BACH2: variants seen among roughly 807,000 people sequenced by gnomAD.
The protein encoded by BACH2 is BACH transcriptional regulator 2, also known as transcription regulator protein BACH2.
In BACH2, 5 loss-of-function variants were observed where a neutral mutation model predicts 61.8. That is an observed-to-expected ratio of 0.08 (90% confidence interval 0.04 to 0.17). BACH2 has a LOEUF of 0.17. Ranked by LOEUF, BACH2 falls within the 10% of genes least tolerant of loss-of-function variation. The pLI, the probability that BACH2 is intolerant of heterozygous loss-of-function variation, is 1.00. For missense variants in BACH2, 824 were observed against 1,091.1 expected (o/e 0.76, Z 3.45); for synonymous variants, 446 against 440.1 (o/e 1.01, Z -0.17).
intron 4 of BACH2, among the ~76,000 whole-genome samples, chr6:90,204,266 A>G (rs1000293482): frequency 1.3e-5 from 2 of 152,142 alleles, no homozygotes; most frequent in Admixed American, 1.3e-4. Flanking sequence ...CCAACTTTCT[A>G]GGAACAAATC....
intron 5 of BACH2, among the ~76,000 whole-genome samples, chr6:90,028,826 C>T (rs1169426437): frequency 6.6e-6 from 1 of 152,204 alleles, no homozygotes; most frequent in African/African-American, 2.4e-5. Context: ...AGCTGCAAAA[C>T]CTTGCACAAG....
At chr6:90,250,585 C>T (rs1178953333) in intron 3 of BACH2, among the ~76,000 whole-genome samples, 1 of 152,156 alleles carries the variant, frequency 6.6e-6, no homozygotes, top group Non-Finnish European at 1.5e-5. Context: ...CAGCAGTGAA[C>T]AGAAGAGTCT....
At chr6:90,286,915 C>A (rs949772601) in intron 1 of BACH2, among the ~76,000 whole-genome samples, 1 of 151,998 alleles carries the variant, frequency 6.6e-6, no homozygotes, top group East Asian at 1.9e-4. Flanking sequence ...AAGTCTGGAA[C>A]AAAGAAAGAC....
chr6:90,045,348 G>A (rs1582258302), intron 5 of BACH2, among the ~76,000 whole-genome samples: 2 of 152,164 alleles, frequency 1.3e-5, no homozygotes, highest in Admixed American at 6.5e-5. Flanking sequence ...ACTTTTCTGG[G>A]TGAGCATCTT....
intron 1 of BACH2, among the ~76,000 whole-genome samples, chr6:90,291,506 C>CA (rs538824572): frequency 8.7e-4 from 38 of 43,538 alleles, no homozygotes; most frequent in Admixed American, 2.3e-3. Flanking sequence ...TTGAAATTAA[C>CA]AAAAAAAAAA....
chr6:89,993,751 A>T (rs1776702813), intron 6 of BACH2, among the ~76,000 whole-genome samples: 1 of 151,770 alleles, frequency 6.6e-6, no homozygotes, highest in Non-Finnish European at 1.5e-5. Flanking sequence ...AGGTGGCATG[A>T]ACTCCAAGGA....
At chr6:90,091,013 T>C (rs1782137824) in intron 4 of BACH2, among the ~76,000 whole-genome samples, 1 of 152,210 alleles carries the variant, frequency 6.6e-6, no homozygotes, top group South Asian at 2.1e-4. Context: ...TTATCTCATT[T>C]AACGCCAAGT....
At chr6:90,244,592 AC>A (rs1026975614) in intron 3 of BACH2, among the ~76,000 whole-genome samples, 1 of 151,880 alleles carries the variant, frequency 6.6e-6, no homozygotes, top group African/African-American at 2.4e-5. Flanking sequence ...GACAGCAACC[AC>A]CCCCTCCCCC....
At position 90,248,912 on chromosome 6, in the gene BACH2, A is replaced by G. The variant is rs564641332; in HGVS notation, c.-275+3601T>C. ...TGAAACGGTCTTTTATTTGGTTTCA[A>G]ATCCAAATAAAAACCTATGTAGGTA... On this transcript the variant is annotated intron_variant, in intron 3 of 8. Coordinates refer to ENST00000257749, the MANE Select transcript of BACH2 (RefSeq NM_021813.4). Among the ~76,000 whole-genome samples, 31 of 152,356 alleles carry G rather than the reference A, an allele frequency of 2.0e-4. No individual in the cohort carries two copies. In the East Asian group the frequency reaches 4.1e-3, roughly 20 times the overall value.
intron 6 of BACH2, among the ~76,000 whole-genome samples, chr6:89,983,777 T>C (rs922595726): frequency 6.6e-6 from 1 of 152,228 alleles, no homozygotes; most frequent in Non-Finnish European, 1.5e-5. Context: ...CAGAAAAGGC[T>C]ACTTAGCGGT....
chr6:89,937,973 A>G (rs1298146213), intron 8 of BACH2, among the ~76,000 whole-genome samples, 171 bp downstream of exon 8: 1 of 152,216 alleles, frequency 6.6e-6, no homozygotes, highest in African/African-American at 2.4e-5. Context: ...ACACACACAC[A>G]CACACGCACA....
At chr6:90,041,416 T>G (rs966246109) in intron 5 of BACH2, among the ~76,000 whole-genome samples, 2 of 151,990 alleles carry the variant, frequency 1.3e-5, no homozygotes, top group Admixed American at 1.3e-4. Flanking sequence ...TCTATGAACA[T>G]GATCAAATAA....
At chr6:90,119,711 G>T (rs1412292759) in intron 4 of BACH2, among the ~76,000 whole-genome samples, 1 of 152,112 alleles carries the variant, frequency 6.6e-6, no homozygotes, top group Non-Finnish European at 1.5e-5. Flanking sequence ...TTCTTAGGGG[G>T]TAAAAATATT....
At chr6:90,082,254 T>C (rs1781755962) in intron 5 of BACH2, among the ~76,000 whole-genome samples, 1 of 152,118 alleles carries the variant, frequency 6.6e-6, no homozygotes, top group Non-Finnish European at 1.5e-5. Flanking sequence ...ACCAAAGCCA[T>C]CTTGTACATA....
At chr6:89,938,643 T>C (rs1406523413) in intron 7 of BACH2, among the ~76,000 whole-genome samples, 1 of 152,224 alleles carries the variant, frequency 6.6e-6, no homozygotes, top group Non-Finnish European at 1.5e-5. Flanking sequence ...GTAGCACTTT[T>C]GTAAGAAAGA....
At chr6:90,057,993 A>C (rs1780462531) in intron 5 of BACH2, among the ~76,000 whole-genome samples, 2 of 152,252 alleles carry the variant, frequency 1.3e-5, no homozygotes, top group Non-Finnish European at 2.9e-5. Context: ...AGAGCTATCT[A>C]TGACAAACCC....
At chr6:90,237,360 G>A (rs1317055374) in intron 3 of BACH2, among the ~76,000 whole-genome samples, 1 of 152,186 alleles carries the variant, frequency 6.6e-6, no homozygotes, top group Non-Finnish European at 1.5e-5. Context: ...AGACATCCTA[G>A]CCTGTCTGTC....
intron 2 of BACH2, among the ~76,000 whole-genome samples, chr6:90,257,924 C>T (rs62408228): frequency 0.029 from 4,486 of 152,108 alleles, 89 homozygotes; most frequent in Non-Finnish European, 0.045. Context: ...TACAGGTGTG[C>T]GCCACCACAC....
At chr6:90,079,199 T>C (rs1167019278) in intron 5 of BACH2, among the ~76,000 whole-genome samples, 1 of 152,170 alleles carries the variant, frequency 6.6e-6, no homozygotes, top group Non-Finnish European at 1.5e-5. Context: ...GGGGAGTTTT[T>C]ACTTGGTTAA....
Sources: allele counts gnomAD v4.1 joint callset (sites outside exome capture counted in the v4.1 genomes callset), GRCh38; gene constraint gnomAD v4.1.1; transcripts MANE v1.5; gene names NCBI Gene and HGNC (gene_info 2026-07-23, HGNC 2026-07-21).